The following ANKRD36C variants were observed in gnomAD, a reference collection of about 807,000 sequenced individuals.
ANKRD36C encodes the protein ankyrin repeat domain-containing protein 36C.
In ANKRD36C, 61 loss-of-function variants were observed where a neutral mutation model predicts 276.4. The ratio of observed to expected loss-of-function variants is 0.22; its 90% CI spans 0.18 to 0.27. The LOEUF (loss-of-function observed/expected upper bound fraction) is 0.27. Ranked by LOEUF, ANKRD36C falls within the 10% of genes least tolerant of loss-of-function variation. The pLI, the probability that ANKRD36C is intolerant of heterozygous loss-of-function variation, is 1.00. For synonymous variants in ANKRD36C, 483 were observed against 680.1 expected, an observed-to-expected ratio of 0.71 and a Z score of 4.51; for missense variants, 1,447 against 2,032.3, an observed-to-expected ratio of 0.71 and a Z score of 5.54.
intron 6 of ANKRD36C, among the ~76,000 whole-genome samples, chr2:95,964,403 C>T (rs1301229218): frequency 6.6e-6 from 1 of 151,860 alleles, no homozygotes; most frequent in Non-Finnish European, 1.5e-5. Context: ...TTGTTCTGCC[C>T]AATTTGACAT....
At chr2:95,972,691 T>C (rs555480069) in intron 6 of ANKRD36C, among the ~76,000 whole-genome samples, 46 of 152,352 alleles carry the variant, frequency 3.0e-4, no homozygotes, top group Middle Eastern at 6.8e-3. Context: ...GAAGGCTGTT[T>C]ATAAAACACC....
intron 58 of ANKRD36C, among the ~76,000 whole-genome samples, chr2:95,878,232 G>T (rs1314882538): frequency 6.7e-5 from 10 of 148,266 alleles, no homozygotes; most frequent in Admixed American, 6.7e-5. Context: ...GTAAATAATT[G>T]TCAAAAATGA....
At chr2:95,856,991 C>T (rs1420597115) in intron 62 of ANKRD36C, among the ~76,000 whole-genome samples, 1 of 151,996 alleles carries the variant, frequency 6.6e-6, no homozygotes, top group Non-Finnish European at 1.5e-5. Context: ...ACTTTTATTC[C>T]TTTTCCATAA....
intron 62 of ANKRD36C, among the ~76,000 whole-genome samples, chr2:95,856,542 T>C (rs1375483566): frequency 1.3e-5 from 2 of 152,152 alleles, no homozygotes; most frequent in African/African-American, 4.8e-5. Flanking sequence ...ATCTAAACTA[T>C]ACCTCTCCCT....
At chr2:95,958,512 C>T (rs1678383273) in intron 12 of ANKRD36C, 79 bp downstream of exon 12, 2 of 1,508,906 alleles carry the variant, frequency 1.3e-6, no homozygotes, top group East Asian at 4.9e-5. Context: ...TCAATGAGCC[C>T]CCTGCTGATT....
intron 32 of ANKRD36C, among the ~76,000 whole-genome samples, chr2:95,922,684 T>C (rs1677303331): frequency 6.6e-6 from 1 of 151,694 alleles, no homozygotes; most frequent in South Asian, 2.1e-4. Context: ...AGGAGGATCA[T>C]ACTATTCTCT....
At chr2:95,889,107 A>G (rs1179291251) in intron 48 of ANKRD36C, among the ~76,000 whole-genome samples, 2 of 151,526 alleles carry the variant, frequency 1.3e-5, no homozygotes, top group Non-Finnish European at 1.5e-5. Context: ...CAAAACAAGT[A>G]TCTCTGATGC....
chr2:95,925,095 T>A (rs1016838488), intron 30 of ANKRD36C, among the ~76,000 whole-genome samples: 1 of 151,626 alleles, frequency 6.6e-6, no homozygotes, highest in Non-Finnish European at 1.5e-5. Flanking sequence ...TGTCCTCCGA[T>A]CCTCTTATGT....
chr2:95,958,101 C>A (rs201903714), intron 12 of ANKRD36C, among the ~76,000 whole-genome samples: 3,986 of 112,046 alleles, frequency 0.036, no homozygotes, highest in African/African-American at 0.066. Context: ...TAAATAACTT[C>A]TTTTCCCTTC....
chr2:95,973,552 C>G (rs1289080117), intron 6 of ANKRD36C, among the ~76,000 whole-genome samples: 1 of 152,166 alleles, frequency 6.6e-6, no homozygotes, highest in Non-Finnish European at 1.5e-5. Flanking sequence ...TGTTTCTAAT[C>G]TTTTTTCTTA....
intron 42 of ANKRD36C, among the ~76,000 whole-genome samples, 178 bp downstream of exon 54, chr2:95,902,708 A>C (rs1676691135): frequency 6.6e-6 from 1 of 150,376 alleles, no homozygotes; most frequent in Non-Finnish European, 1.5e-5. Flanking sequence ...CTTACTGCGA[A>C]GATCATGTTC....
intron 60 of ANKRD36C, among the ~76,000 whole-genome samples, chr2:95,860,282 A>T (rs1675540921): frequency 6.6e-6 from 1 of 152,130 alleles, no homozygotes; most frequent in Non-Finnish European, 1.5e-5. Context: ...TGAAGAACCA[A>T]GATAAAAAGG....
chr2:95,929,225 G>A lies in ANKRD36C; in HGVS notation c.1764+14C>T, dbSNP rs767299765. The A allele has an allele frequency of 1.9e-6, 3 of 1,592,776 alleles. No individual in the cohort carries two copies. The South Asian group carries it at 3.3e-5, about 18-fold the overall frequency. ...ACAGTTAATAGTTCAACATATAAATGAGACTTTAATTACCTTCTCAGCTGG... is the reference window on the plus strand; with the variant it reads ...ACAGTTAATAGTTCAACATATAAATAAGACTTTAATTACCTTCTCAGCTGG... On this transcript the variant is annotated intron_variant, in intron 25 of 66. Coordinates refer to ENST00000456556, the Ensembl canonical transcript of ANKRD36C.
intron 42 of ANKRD36C, among the ~76,000 whole-genome samples, chr2:95,910,821 CG>C (rs1459828335): frequency 1.3e-5 from 2 of 151,332 alleles, no homozygotes; most frequent in Non-Finnish European, 3.0e-5. Flanking sequence ...AAAATAAAAC[CG>C]TGTCAATCTC....
chr2:95,908,006 T>C (rs1573755191), intron 42 of ANKRD36C, among the ~76,000 whole-genome samples: 2 of 150,822 alleles, frequency 1.3e-5, no homozygotes, highest in East Asian at 3.9e-4. Context: ...CAAAATTATA[T>C]AAATGACTTC....
intron 34 of ANKRD36C, among the ~76,000 whole-genome samples, chr2:95,918,842 G>T (rs1677188588): frequency 6.7e-6 from 1 of 149,994 alleles, no homozygotes; most frequent in Admixed American, 6.7e-5. Flanking sequence ...CATTGAAAAT[G>T]ACCATTTTAG....
chr2:95,852,335 G>A (rs74744155), intron 64 of ANKRD36C, 139 bp from the exon 85 acceptor site: 2 of 712,402 alleles, frequency 2.8e-6, no homozygotes, highest in Non-Finnish European at 4.7e-6. Flanking sequence ...TAATCTAGGA[G>A]AAGTCATCCC....
intron 6 of ANKRD36C, among the ~76,000 whole-genome samples, chr2:95,967,071 T>C (rs1474006151): frequency 2.0e-5 from 3 of 152,202 alleles, no homozygotes; most frequent in Non-Finnish European, 4.4e-5. Flanking sequence ...CAATTTGGTT[T>C]TCTAAATATA....
intron 42 of ANKRD36C, chr2:95,910,441 G>C: frequency 6.4e-7 from 1 of 1,569,204 alleles, no homozygotes. Context: ...CTCGTCACTT[G>C]TAGCCTGAAT....
Sources: allele counts gnomAD v4.1 joint callset (sites outside exome capture counted in the v4.1 genomes callset), GRCh38; gene constraint gnomAD v4.1.1; transcripts MANE v1.5; gene names NCBI Gene and HGNC (gene_info 2026-07-23, HGNC 2026-07-21).